Variants in PCDHGA8 observed in about 807,000 individuals in gnomAD.
PCDHGA8 encodes the protein protocadherin gamma subfamily A, 8.
A neutral mutation model predicts 59.2 loss-of-function variants in PCDHGA8; 45 were observed. That is an observed-to-expected ratio of 0.76 (90% CI 0.60 to 0.98). PCDHGA8 has a LOEUF of 0.98. Among genes scored for constraint, PCDHGA8 ranks in the 50% least tolerant of loss-of-function variants. PCDHGA8 has a pLI of 0.00. For synonymous variants in PCDHGA8, 531 were observed against 519.0 expected, an observed-to-expected ratio of 1.02 and a Z score of -0.32; for missense variants, 1,257 against 1,196.2, an observed-to-expected ratio of 1.05 and a Z score of -0.75.
chr5:141,505,634 A>T, intron 3 of PCDHGA8, 153 bp downstream of exon 3: 6 of 971,426 alleles, frequency 6.2e-6, no homozygotes, highest in Non-Finnish European at 7.3e-6. Context: ...CCAAACATAA[A>T]GCCTGGAATT....
At chr5:141,412,814 C>CAT (rs1339609844) in intron 1 of PCDHGA8, among the ~76,000 whole-genome samples, 1 of 152,180 alleles carries the variant, frequency 6.6e-6, no homozygotes, top group Non-Finnish European at 1.5e-5. Context: ...AAGAAACCTA[C>CAT]ATATAGTAAA....
Position 141,412,258 on chromosome 5 carries a change from C to T in PCDHGA8, c.2424+17021C>T, listed in dbSNP as rs569698099. 5.8e-4 allele frequency: 88 copies of T among 152,314 alleles called. 1 individual carries two copies. The highest frequency in any genetic ancestry group is 2.0e-3 in the African/African-American group (83 of 41,568). 9.4% of individuals were successfully genotyped at this position (152,314 alleles called of 1,614,324 possible). On this transcript the variant is annotated intron_variant, in intron 1 of 3. Transcript: ENST00000398604. Reference sequence around the variant, plus strand: ...ATATCACTACATCTAACTTTGTTTTCTAAAACTTTTAGTACTTCAAATTCT... The same window carrying T: ...ATATCACTACATCTAACTTTGTTTTTTAAAACTTTTAGTACTTCAAATTCT...
At position 141,432,436 on chromosome 5, in the gene PCDHGA8, G is replaced by C; in HGVS notation, c.2424+37199G>C. ...TCGTGCTGGACCAGAACGACAATGC[G>C]CCCGAGATCCTGTACCCCGCCCTCC... On this transcript the variant is annotated intron_variant, in intron 1 of 3. Transcript: ENST00000398604. This position sits in a 1 kb window ranked among gnomAD's most constrained non-coding sequence, Gnocchi z 6.0. 1 of 1,614,196 alleles carries C rather than the reference G, an allele frequency of 6.2e-7. No individual in the cohort carries two copies. Among genetic ancestry groups the C allele is most frequent in the Middle Eastern group, 1.6e-4 (1 of 6,062 alleles).
At chr5:141,440,982 A>G (rs940098060) in intron 1 of PCDHGA8, 4 of 152,234 alleles carry the variant, frequency 2.6e-5, no homozygotes, top group Non-Finnish European at 5.9e-5. Context: ...TTCACAACCC[A>G]GAGTACCCAT....
chr5:141,413,490 G>T (rs1255775347), intron 1 of PCDHGA8: 2 of 1,614,070 alleles, frequency 1.2e-6, no homozygotes, highest in Admixed American at 3.3e-5. Flanking sequence ...AGAGCGCGCG[G>T]TGCGTGGTGA....
At position 141,489,084 on chromosome 5, in the gene PCDHGA8, C is replaced by CCGG; in HGVS notation, c.2425-5723_2425-5722insCGG. ...CTCCCCCCTGCCCACCCCCGCCACT[C>CCGG]GGTGACTAAGAACTGCTGCAAGCAG... On this transcript the variant is annotated intron_variant, in intron 1 of 3. Coordinates refer to ENST00000398604, the MANE Select transcript of PCDHGA8 (RefSeq NM_032088.2). This position sits in a 1 kb window ranked among gnomAD's most constrained non-coding sequence, Gnocchi z 4.5. The CCGG allele has an allele frequency of 3.0e-6, 1 of 329,134 alleles. No homozygotes were observed. The highest frequency in any genetic ancestry group is 2.5e-5 in the African/African-American group (1 of 40,384). 20.4% of individuals were successfully genotyped at this position (329,134 alleles called of 1,614,324 possible). A position where few individuals can be genotyped will look rare whatever the true frequency, so the allele number is the denominator to read the frequency against.
chr5:141,395,605 A>G (rs1344642467), intron 1 of PCDHGA8: 3 of 198,976 alleles, frequency 1.5e-5, no homozygotes, highest in Non-Finnish European at 3.0e-5. Context: ...CCAAACTAGA[A>G]CTTCAGAAAA....
chr5:141,457,997 G>A (rs2098934533), intron 1 of PCDHGA8, among the ~76,000 whole-genome samples: 1 of 152,152 alleles, frequency 6.6e-6, no homozygotes, highest in Non-Finnish European at 1.5e-5. Context: ...TAAAGCCTTG[G>A]CAAAATAACC....
At chr5:141,442,694 C>A (rs549307212) in intron 1 of PCDHGA8, among the ~76,000 whole-genome samples, 22 of 152,304 alleles carry the variant, frequency 1.4e-4, no homozygotes, top group Non-Finnish European at 3.1e-4. Flanking sequence ...GTCAGGCAGA[C>A]AAGAGTATCA....
chr5:141,466,552 G>C lies in PCDHGA8; in HGVS notation c.2425-28255G>C, dbSNP rs913019489. On this transcript the variant is annotated intron_variant, in intron 1 of 3. Coordinates refer to ENST00000398604, the MANE Select transcript of PCDHGA8 (RefSeq NM_032088.2). ...ATTGATGTAGATGGTCTTTTGCTGTGGGCTTCATCTTCAACATTGTCTCAT... is the reference window on the plus strand; with the variant it reads ...ATTGATGTAGATGGTCTTTTGCTGTCGGCTTCATCTTCAACATTGTCTCAT... 2.6e-5 allele frequency among the ~76,000 whole-genome samples: 4 copies of C among 152,144 alleles called. No homozygotes were observed. The South Asian group carries it at 8.3e-4, about 32-fold the overall frequency.
chr5:141,433,359 C>CTATCTATCTATA, intron 1 of PCDHGA8: 1 of 228,708 alleles, frequency 4.4e-6, no homozygotes, highest in South Asian at 4.1e-5. Context: ...TACTGTCTGC[C>CTATCTATCTATA]TATCTATCTA....
At chr5:141,406,173 T>C (rs1317526026) in intron 1 of PCDHGA8, among the ~76,000 whole-genome samples, 2 of 151,712 alleles carry the variant, frequency 1.3e-5, no homozygotes, top group African/African-American at 4.8e-5. Context: ...CCTGGGCTTA[T>C]GCAATCCTCC....
At chr5:141,460,981 G>GTATA (rs1491204135) in intron 1 of PCDHGA8, among the ~76,000 whole-genome samples, 10 of 121,884 alleles carry the variant, frequency 8.2e-5, no homozygotes, top group African/African-American at 3.1e-4. Context: ...GTGTGTGTGT[G>GTATA]TGTATATATA....
At chr5:141,479,063 A>G (rs1476826751) in intron 1 of PCDHGA8, among the ~76,000 whole-genome samples, 1 of 152,204 alleles carries the variant, frequency 6.6e-6, no homozygotes, top group African/African-American at 2.4e-5. Context: ...ATAATTTTTT[A>G]TGAATGAAAT....
chr5:141,409,945 T>C (rs777813706), intron 1 of PCDHGA8: 11 of 1,613,312 alleles, frequency 6.8e-6, no homozygotes, highest in Non-Finnish European at 9.3e-6. Flanking sequence ...TACCTCGCTC[T>C]GCAGAGCCCG....
At position 141,393,579 on chromosome 5, in the gene PCDHGA8, C is replaced by T. The variant is rs2092799952; in HGVS notation, c.766C>T (p.Pro256Ser). 1.2e-6 allele frequency: 2 copies of T among 1,613,888 alleles called. No homozygotes were observed. The highest frequency in any genetic ancestry group is 1.7e-6 in the Non-Finnish European group (2 of 1,179,898). Reference sequence around the variant, plus strand: ...CCGAGTGAAAGTCCTTGAGAACATGCCCCCAGGCACGCGGCTGCTTACTGT... The same window carrying T: ...CCGAGTGAAAGTCCTTGAGAACATGTCCCCAGGCACGCGGCTGCTTACTGT... ...IYRVKVLENM[P>S]PGTRLLTVTA... The change falls in exon 1 of 4, where the codon CCC becomes TCC. Residue 256 changes from proline to serine, a missense_variant. Coordinates refer to ENST00000398604, the MANE Select transcript of PCDHGA8 (RefSeq NM_032088.2).
chr5:141,410,464 G>A, intron 1 of PCDHGA8: 1 of 1,613,994 alleles, frequency 6.2e-7, no homozygotes, highest in South Asian at 1.1e-5. Context: ...CTTATAATCT[G>A]TGCATTGCAC....
chr5:141,410,086 G>A (rs759204005), intron 1 of PCDHGA8: 3 of 1,612,588 alleles, frequency 1.9e-6, no homozygotes, highest in Non-Finnish European at 2.5e-6. Flanking sequence ...AGGTGCGCAC[G>A]GCTCGAGCCT....
intron 1 of PCDHGA8, chr5:141,415,033 C>G (rs1207811183): frequency 1.2e-6 from 2 of 1,613,456 alleles, no homozygotes; most frequent in South Asian, 1.1e-5. Flanking sequence ...CGAGCCGGGA[C>G]TCTTCGCGGT....
Sources: allele counts gnomAD v4.1 joint callset (sites outside exome capture counted in the v4.1 genomes callset), GRCh38; gene constraint gnomAD v4.1.1; non-coding constraint Gnocchi (gnomAD v3.1); transcripts MANE v1.5; gene names NCBI Gene and HGNC (gene_info 2026-07-23, HGNC 2026-07-21).